The following MPZL2 variants were observed in gnomAD, a reference collection of about 807,000 sequenced individuals.
MPZL2 encodes the protein myelin protein zero-like protein 2.
Under a neutral mutation model 24.5 loss-of-function variants are expected in MPZL2, and 32 were observed. That is an observed-to-expected ratio of 1.31 (90% CI 0.99 to 1.76). The LOEUF is 1.76. Among genes scored for constraint, MPZL2 ranks in the 40% most tolerant of loss-of-function variants. MPZL2 has a pLI of 0.00. For missense variants in MPZL2, 304 were observed against 274.9 expected, an observed-to-expected ratio of 1.11 and a Z score of -0.75; for synonymous variants, 92 against 97.9, an observed-to-expected ratio of 0.94 and a Z score of 0.36.
chr11:118,256,130 G>C (rs1949658261), intron 5 of MPZL2, among the ~76,000 whole-genome samples: 2 of 116,326 alleles, frequency 1.7e-5, no homozygotes, highest in African/African-American at 7.3e-5. Context: ...AAATCCTTGA[G>C]GTCTTTCACT....
chr11:118,264,295 G>A lies in MPZL2; in HGVS notation c.-142C>T, dbSNP rs995800531. On this transcript the variant is annotated 5_prime_UTR_variant, in exon 1 of 6. Transcript: ENST00000278937. ...AGTTGAGTTCCTCACCTGTGCCTGT[G>A]ACTCAGCCCGCTCTGCCTGTGCACT... is the stretch of plus-strand genomic sequence containing the variant. 7.5e-5 allele frequency: 55 copies of A among 728,730 alleles called. No individual in the cohort carries two copies. Among genetic ancestry groups the A allele is most frequent in the Admixed American group, 1.1e-4 (5 of 45,026 alleles). 45.1% of individuals were successfully genotyped at this position (728,730 alleles called of 1,614,324 possible).
intron 1 of MPZL2, 46 bp downstream of exon 1, chr11:118,264,050 T>C (rs765930287): frequency 6.4e-7 from 1 of 1,563,180 alleles, no homozygotes; most frequent in Non-Finnish European, 8.8e-7. Context: ...CTTTATAGAG[T>C]GAGCAGTGAA....
At chr11:118,258,667 T>C (rs192805835) in intron 4 of MPZL2, among the ~76,000 whole-genome samples, 1 of 152,220 alleles carries the variant, frequency 6.6e-6, no homozygotes, top group Non-Finnish European at 1.5e-5. Flanking sequence ...TTGCTAGAGG[T>C]GGGGCCTGGT....
intron 4 of MPZL2, among the ~76,000 whole-genome samples, chr11:118,258,657 T>C (rs1356946040): frequency 6.6e-6 from 1 of 152,184 alleles, no homozygotes; most frequent in Non-Finnish European, 1.5e-5. Context: ...GTAATCTGCA[T>C]TGCTAGAGGT....
At chr11:118,258,442 T>C (rs747788134) in intron 4 of MPZL2, among the ~76,000 whole-genome samples, 12 of 152,192 alleles carry the variant, frequency 7.9e-5, no homozygotes, top group Non-Finnish European at 1.6e-4. Context: ...AGTGAAATAA[T>C]GTACCCCATA....
intron 4 of MPZL2, 51 bp from the exon 5 acceptor site, chr11:118,257,364 G>C: frequency 6.9e-7 from 1 of 1,449,514 alleles, no homozygotes; most frequent in East Asian, 2.3e-5. Context: ...GAAGCAAGTG[G>C]GTAAATCCCA....
In MPZL2 at chr11:118,264,090, T is replaced by C; in HGVS notation, c.58+6A>G. On this transcript the variant is annotated splice_donor_region_variant and intron_variant, in intron 1 of 5. Coordinates refer to ENST00000278937, the MANE Select transcript of MPZL2 (RefSeq NM_005797.4). Reference sequence around the variant, plus strand: ...GAAACTCTGAGAGAAGCCCGCCGGCTCTTACCTGTGAGCTGTATGCCAAGG... The same window carrying C: ...GAAACTCTGAGAGAAGCCCGCCGGCCCTTACCTGTGAGCTGTATGCCAAGG... 6 of 1,611,926 alleles carry C rather than the reference T, an allele frequency of 3.7e-6. No individual in the cohort carries two copies. The highest frequency in any genetic ancestry group is 4.2e-6 in the Non-Finnish European group (5 of 1,178,038).
chr11:118,253,487 T>A lies in MPZL2; in HGVS notation c.*1759A>T, dbSNP rs1381354325. 1.3e-5 allele frequency: 2 copies of A among 152,160 alleles called. No individual in the cohort carries two copies. Among genetic ancestry groups the A allele is most frequent in the Non-Finnish European group, 2.9e-5 (2 of 68,012 alleles). The allele number at this position is 152,160 out of a possible 1,614,324, so 9.4% of individuals were successfully genotyped here. A position where few individuals can be genotyped will look rare whatever the true frequency, so the allele number is the denominator to read the frequency against. ...GTTTAAAGCATAATAAAAAATAAAT[T>A]ACAATACAAAAGTGCTCTTTAGGAA... On this transcript the variant is annotated 3_prime_UTR_variant, in exon 6 of 6. Coordinates refer to ENST00000278937, the MANE Select transcript of MPZL2 (RefSeq NM_005797.4).
chr11:118,264,083 C>T lies in MPZL2; in HGVS notation c.58+13G>A, dbSNP rs756663097. The T allele has an allele frequency of 3.7e-6, 6 of 1,613,642 alleles. No homozygotes were observed. Among genetic ancestry groups the T allele is most frequent in the Admixed American group, 3.3e-5 (2 of 60,000 alleles). ...GAAGGAGGAAACTCTGAGAGAAGCC[C>T]GCCGGCTCTTACCTGTGAGCTGTAT... On this transcript the variant is annotated intron_variant, in intron 1 of 5. Coordinates refer to ENST00000278937, the MANE Select transcript of MPZL2 (RefSeq NM_005797.4).
chr11:118,258,046 T>A (rs904166149), intron 4 of MPZL2, among the ~76,000 whole-genome samples: 1 of 152,146 alleles, frequency 6.6e-6, no homozygotes, highest in Non-Finnish European at 1.5e-5. Context: ...ATTAAATATT[T>A]ATTAAGGAAA....
intron 2 of MPZL2, 39 bp downstream of exon 2, chr11:118,262,892 A>G: frequency 1.3e-6 from 2 of 1,599,886 alleles, no homozygotes; most frequent in Non-Finnish European, 1.7e-6. Flanking sequence ...TTATTTCCCT[A>G]AACAAGAGTA....
At chr11:118,255,890 C>T (rs1376297865) in intron 5 of MPZL2, among the ~76,000 whole-genome samples, 1 of 152,162 alleles carries the variant, frequency 6.6e-6, no homozygotes, top group South Asian at 2.1e-4. Context: ...AGCTTGTTCA[C>T]ACTATTATTC....
At chr11:118,257,867 G>A (rs908612980) in intron 4 of MPZL2, among the ~76,000 whole-genome samples, 2 of 143,562 alleles carry the variant, frequency 1.4e-5, no homozygotes, top group Non-Finnish European at 3.1e-5. Flanking sequence ...AAAATTAGCT[G>A]GGCATGGTGG....
intron 2 of MPZL2, 64 bp downstream of exon 2, chr11:118,262,867 A>G (rs1949710762): frequency 1.3e-6 from 2 of 1,555,210 alleles, no homozygotes; most frequent in Non-Finnish European, 1.8e-6. Flanking sequence ...GGGAAAGGAG[A>G]AATGGACTGG....
chr11:118,262,983 G>A lies in MPZL2; in HGVS notation c.173C>T (p.Ala58Val), dbSNP rs1038908429. 1.5e-5 allele frequency: 25 copies of A among 1,614,182 alleles called. No homozygotes were observed. The highest frequency in any genetic ancestry group is 3.3e-4 in the Middle Eastern group (2 of 6,062). ...ACGAAAATTCCAGGTCACTGTTAGA[G>A]CATCACCCACAGGGGCAAAGCTGGA... ...TFSSFAPVGD[A>V]LTVTWNFRPL... is the part of the protein sequence containing the mutation. Residue 58 changes from alanine to valine, a missense_variant, in exon 2 of 6, where the codon GCT (alanine) becomes GTT (valine). Ala to Val is a moderately conservative substitution (Grantham distance 64). Coordinates refer to ENST00000278937, the MANE Select transcript of MPZL2 (RefSeq NM_005797.4).
chr11:118,263,545 T>C (rs576940692), intron 1 of MPZL2, among the ~76,000 whole-genome samples: 1 of 152,228 alleles, frequency 6.6e-6, no homozygotes, highest in Non-Finnish European at 1.5e-5. Context: ...AGATGGGTCC[T>C]TAGGTGGATT....
chr11:118,258,565 C>T (rs1949677558), intron 4 of MPZL2, among the ~76,000 whole-genome samples: 1 of 151,902 alleles, frequency 6.6e-6, no homozygotes, highest in African/African-American at 2.4e-5. Context: ...AAATCAAAAC[C>T]CCAATGAGAT....
intron 4 of MPZL2, among the ~76,000 whole-genome samples, chr11:118,258,518 T>G (rs1949677352): frequency 6.6e-6 from 1 of 152,084 alleles, no homozygotes; most frequent in South Asian, 2.1e-4. Flanking sequence ...AATAAGAACA[T>G]GGGAAGATGC....
rs11216837 is a variant in MPZL2, at chr11:118,257,565, A to T, written c.585-252T>A. 1.4e-4 allele frequency: 48 copies of T among 348,574 alleles called. 1 individual carries two copies. In the East Asian group the frequency reaches 1.8e-3, roughly 13 times the overall value. 21.6% of individuals were successfully genotyped at this position (348,574 alleles called of 1,614,324 possible). ...TCTGATTCGGGAACTCCAGAGTTTT[A>T]AAGCAGACACCTTATTTTACCATTA... On this transcript the variant is annotated intron_variant, in intron 4 of 5. Coordinates refer to ENST00000278937, the MANE Select transcript of MPZL2 (RefSeq NM_005797.4).
Sources: allele counts gnomAD v4.1 joint callset (sites outside exome capture counted in the v4.1 genomes callset), GRCh38; gene constraint gnomAD v4.1.1; transcripts MANE v1.5; gene names NCBI Gene and HGNC (gene_info 2026-07-23, HGNC 2026-07-21).